RTEL1: variants seen among roughly 807,000 people sequenced by gnomAD.
RTEL1 encodes the protein regulator of telomere elongation helicase 1, also known as regulator of telomere length.
RTEL1 carries 86 observed loss-of-function variants against 162.2 expected under a neutral mutation model. The observed-to-expected ratio is 0.53, with a 90% CI of 0.45 to 0.63. The LOEUF (loss-of-function observed/expected upper bound fraction) is 0.63. RTEL1 is among the 30% of genes least tolerant of loss of function. RTEL1 has a pLI of 0.00. For synonymous variants in RTEL1, 958 were observed against 717.9 expected, an observed-to-expected ratio of 1.33 and a Z score of -5.35; for missense variants, 1,941 against 1,750.2, an observed-to-expected ratio of 1.11 and a Z score of -1.95.
chr20:63,692,690 C>G (rs1384840547), intron 28 of RTEL1, 115 bp from the exon 29 acceptor site: 2 of 1,019,514 alleles, frequency 2.0e-6, no homozygotes, highest in East Asian at 5.2e-5. Flanking sequence ...GGCAGCAGCC[C>G]CACCTCGGCA....
At chr20:63,689,383 T>G (rs2090671420) in intron 22 of RTEL1, 119 bp from the exon 23 acceptor site, 2 of 1,236,724 alleles carry the variant, frequency 1.6e-6, no homozygotes, top group Admixed American at 2.9e-5. Context: ...GACCCACAGA[T>G]GGAGCTTCCT....
rs2090188195 is a variant in RTEL1, at chr20:63,668,614, G to C, written c.699+1061G>C. On this transcript the variant is annotated intron_variant, in intron 8 of 34. Coordinates refer to ENST00000360203, the MANE Select transcript of RTEL1 (RefSeq NM_001283009.2). The surrounding 1 kb of genome is among the most constrained non-coding windows in gnomAD (Gnocchi z 4.3). The stretch of plus-strand genomic sequence containing the variant: ...AGGGAAGAGGTGAGTGGGGGCGGCT[G>C]GGGGGCCGACTCCTGGGAAGCTGTA... Among the ~76,000 whole-genome samples the C allele has an allele frequency of 6.6e-6, 1 of 152,084 alleles. No individual in the cohort carries two copies. The highest frequency in any genetic ancestry group is 1.5e-5 in the Non-Finnish European group (1 of 68,004).
At chr20:63,693,484 C>T (rs1568720192) in intron 30 of RTEL1, among the ~76,000 whole-genome samples, 1 of 86,912 alleles carries the variant, frequency 1.2e-5, no homozygotes, top group African/African-American at 4.9e-5. Context: ...TCCACCTCCA[C>T]CACCACCTCC....
chr20:63,669,103 C>T (rs2090197005), intron 8 of RTEL1, among the ~76,000 whole-genome samples: 1 of 152,230 alleles, frequency 6.6e-6, no homozygotes, highest in South Asian at 2.1e-4. Flanking sequence ...CCACATCAGC[C>T]TCCCGAGTAG....
In RTEL1 at chr20:63,693,279, C is replaced by T. The variant is rs150932919; in HGVS notation, c.2988C>T (p.Pro996=). 16 of 1,611,548 alleles carry T rather than the reference C, an allele frequency of 9.9e-6. No individual in the cohort carries two copies. The highest frequency in any genetic ancestry group is 2.7e-5 in the African/African-American group (2 of 74,808). Residue 996 remains proline, a synonymous_variant, in exon 30 of 35, where the codon CCC becomes CCT. Coordinates refer to ENST00000360203, the MANE Select transcript of RTEL1 (RefSeq NM_001283009.2). ...AGCGGGCACAGCCGGTCCTGGACCC[C>T]ACTGGTAAATGGGGCCCCAGGTGGG... is the stretch of plus-strand genomic sequence containing the variant. ...RRQRAQPVLD[P]TGRTAPDPKL...
In RTEL1 at chr20:63,689,115, GCGGTCTGC is replaced by G. The variant is rs767039986; in HGVS notation, c.1865_1872del (p.Val622GlyfsTer41). 1 of 1,609,802 alleles carries G rather than the reference GCGGTCTGC, an allele frequency of 6.2e-7. No individual in the cohort carries two copies. Among genetic ancestry groups the G allele is most frequent in the Non-Finnish European group, 8.5e-7 (1 of 1,179,872 alleles). ...TGGGTCCACCGGCGCCACCTTCCTG[GCGGTCTGC>G]CGGGGCAAGGTGAGCTCTCCAGGGC... On this transcript the variant is annotated frameshift_variant, in exon 22 of 35. Transcript: ENST00000360203. LOFTEE classifies it high-confidence loss of function.
intron 8 of RTEL1, among the ~76,000 whole-genome samples, chr20:63,667,958 G>A (rs2090169310): frequency 7.1e-6 from 1 of 139,930 alleles, no homozygotes. Flanking sequence ...CCCAGCATGT[G>A]CCCGGCTTCA....
At chr20:63,693,438 AGCACCAGCAGCACCACCTCCACCT>A (rs2090824236) in intron 30 of RTEL1, among the ~76,000 whole-genome samples, 155 bp downstream of exon 30, 3 of 131,624 alleles carry the variant, frequency 2.3e-5, no homozygotes, top group African/African-American at 8.7e-5. Flanking sequence ...CTCCACCACC[AGCACCAGCAGCACCACCTCCACCT>A]CCACCTCCAC....
Position 63,666,059 on chromosome 20 carries a change from C to G in RTEL1, c.594C>G (p.Val198=), listed in dbSNP as rs774564498. The G allele has an allele frequency of 1.3e-5, 21 of 1,613,994 alleles. No homozygotes were observed. The Admixed American group carries it at 3.0e-4, about 23-fold the overall frequency. The stretch of plus-strand genomic sequence containing the variant: ...CCATCCTGGACATTGAGGACTTGGT[C>G]AAGAGCGGAAGCAAGCACAGGTGAG... The part of the protein sequence containing the change: ...ASPILDIEDL[V]KSGSKHRVCP... Residue 198 remains valine, a synonymous_variant, in exon 7 of 35, where the codon GTC becomes GTG. Transcript: ENST00000360203.
In RTEL1 at chr20:63,692,971, C is replaced by A; in HGVS notation, c.2819C>A (p.Ala940Asp). 6.2e-7 allele frequency: 1 copy of A among 1,612,624 alleles called. No homozygotes were observed. Among genetic ancestry groups the A allele is most frequent in the Non-Finnish European group, 8.5e-7 (1 of 1,179,832 alleles). Residue 940 changes from alanine to aspartate, a missense_variant, in exon 29 of 35, where the codon GCT becomes GAT. Physicochemically the swap from Ala to Asp is moderately radical, Grantham distance 126. Transcript: ENST00000360203. ...ALAACLGPLFAEDPKKHNLLQ... is the reference protein window; with the variant it reads ...ALAACLGPLFDEDPKKHNLLQ... Reference sequence around the variant, plus strand: ...GCCGCCTGTCTCGGCCCCCTCTTTGCTGAGGACCCCAAGAAGCACAACCTG... The same window carrying A: ...GCCGCCTGTCTCGGCCCCCTCTTTGATGAGGACCCCAAGAAGCACAACCTG...
intron 8 of RTEL1, 31 bp from the exon 9 acceptor site, chr20:63,672,525 C>T (rs1271396917): frequency 1.3e-6 from 2 of 1,540,760 alleles, no homozygotes; most frequent in Non-Finnish European, 8.8e-7. Context: ...CTGTGAGCTC[C>T]AGCGCTGCGT....
At chr20:63,682,248 C>T (rs2090491076) in intron 14 of RTEL1, 2 of 985,348 alleles carry the variant, frequency 2.0e-6, no homozygotes, top group Admixed American at 1.2e-4. Flanking sequence ...GGAGAAGACT[C>T]CACACTCTGG....
rs1421070072 is a variant in RTEL1 at position 63,695,148 on chromosome 20, C to T, written c.3426C>T (p.Gly1142=). 1.2e-6 allele frequency: 2 copies of T among 1,612,324 alleles called. No homozygotes were observed. The highest frequency in any genetic ancestry group is 1.1e-5 in the South Asian group (1 of 91,086). ...CTDLTGRPYP[G]MEPPGPQEER... ...ACCTGACCGGCCGGCCCTACCCGGG[C>T]ATGGAGCCACCGGGACCCCAGGAGG... Residue 1142 remains glycine (G), a synonymous_variant, in exon 33 of 35, where the codon GGC becomes GGT. Transcript: ENST00000360203.
rs944230179 is a variant in RTEL1 at position 63,696,114 on chromosome 20, T to C, written c.*256T>C. The C allele has an allele frequency of 3.5e-5, 19 of 542,614 alleles. No homozygotes were observed. The highest frequency in any genetic ancestry group is 5.2e-5 in the Non-Finnish European group (16 of 305,268). The allele number at this position is 542,614 out of a possible 1,614,324, so 33.6% of individuals were successfully genotyped here. On this transcript the variant is annotated 3_prime_UTR_variant, in exon 35 of 35. Coordinates refer to ENST00000360203, the MANE Select transcript of RTEL1 (RefSeq NM_001283009.2). The stretch of plus-strand genomic sequence containing the variant: ...AGTGCTTCCCCAGAACTTCCCTGGC[T>C]CCTGGCCTGTGAGTGGTGCCACAGG...
At chr20:63,671,516 C>T (rs915096422) in intron 8 of RTEL1, among the ~76,000 whole-genome samples, 1 of 151,890 alleles carries the variant, frequency 6.6e-6, no homozygotes, top group African/African-American at 2.4e-5. Context: ...GGGTCTTGCT[C>T]TGTCACCCAG....
At chr20:63,682,046 G>T (rs1399474616) in intron 14 of RTEL1, 19 of 985,348 alleles carry the variant, frequency 1.9e-5, no homozygotes, top group African/African-American at 3.5e-5. Context: ...AGGCGAGGTA[G>T]CCCTGCAGCC....
intron 14 of RTEL1, among the ~76,000 whole-genome samples, chr20:63,683,407 T>A (rs959368245): frequency 2.6e-5 from 4 of 152,224 alleles, no homozygotes; most frequent in African/African-American, 9.7e-5. Context: ...GCCCTGTGTT[T>A]AGCTGTCTTG....
At chr20:63,679,224 C>T (rs543787352) in intron 12 of RTEL1, among the ~76,000 whole-genome samples, 40 of 152,164 alleles carry the variant, frequency 2.6e-4, no homozygotes, top group Non-Finnish European at 4.9e-4. Flanking sequence ...AGCGCACAGC[C>T]GCCGAGGTGG....
intron 25 of RTEL1, 38 bp downstream of exon 25, chr20:63,690,248 C>T (rs2090702461): frequency 6.2e-7 from 1 of 1,604,480 alleles, no homozygotes; most frequent in South Asian, 1.1e-5. Context: ...GGGTGTTGTC[C>T]CCAGAGGAGC....
Sources: allele counts gnomAD v4.1 joint callset (sites outside exome capture counted in the v4.1 genomes callset), GRCh38; gene constraint gnomAD v4.1.1; non-coding constraint Gnocchi (gnomAD v3.1); transcripts MANE v1.5; gene names NCBI Gene and HGNC (gene_info 2026-07-23, HGNC 2026-07-21).